LRRC40: variants seen among roughly 807,000 people sequenced by gnomAD.
LRRC40 encodes leucine-rich repeat-containing protein 40.
Under a neutral mutation model 72.8 loss-of-function variants are expected in LRRC40, and 76 were observed. That is an observed-to-expected ratio of 1.04 (90% CI 0.87 to 1.26). LRRC40 has a LOEUF of 1.26. Among genes scored for constraint, LRRC40 ranks in the 50% most tolerant of loss-of-function variants. The pLI, the probability that LRRC40 is intolerant of heterozygous loss-of-function variation, is 0.00. For synonymous variants in LRRC40, 243 were observed against 254.2 expected, an observed-to-expected ratio of 0.96 and a Z score of 0.42; for missense variants, 684 against 698.9, an observed-to-expected ratio of 0.98 and a Z score of 0.24.
intron 4 of LRRC40, among the ~76,000 whole-genome samples, chr1:70,183,954 C>G (rs184108247): frequency 6.6e-6 from 1 of 152,178 alleles, no homozygotes; most frequent in Admixed American, 6.5e-5. Context: ...TTTTATTATT[C>G]TTAATAATAC....
At chr1:70,149,616 A>T (rs1302905725) in intron 13 of LRRC40, among the ~76,000 whole-genome samples, 1 of 152,248 alleles carries the variant, frequency 6.6e-6, no homozygotes, top group Non-Finnish European at 1.5e-5. Context: ...ACAACACAAT[A>T]TAAAACTGAT....
intron 1 of LRRC40, among the ~76,000 whole-genome samples, chr1:70,194,049 T>C (rs1558128330): frequency 6.6e-6 from 1 of 152,042 alleles, no homozygotes; most frequent in Non-Finnish European, 1.5e-5. Context: ...CCATTCTCAC[T>C]ACTTTAATAT....
chr1:70,196,436 G>A (rs1472068904), intron 1 of LRRC40, among the ~76,000 whole-genome samples: 1 of 152,096 alleles, frequency 6.6e-6, no homozygotes, highest in African/African-American at 2.4e-5. Flanking sequence ...ATGAGTCCCA[G>A]ATACTTGGGA....
chr1:70,178,027 C>T (rs943472744), intron 6 of LRRC40, among the ~76,000 whole-genome samples: 1 of 152,170 alleles, frequency 6.6e-6, no homozygotes, highest in Non-Finnish European at 1.5e-5. Context: ...ATTGTAAGAA[C>T]ATAGTACATA....
At chr1:70,179,089 G>A (rs1571471661) in intron 5 of LRRC40, 96 bp from the exon 6 acceptor site, 2 of 609,296 alleles carry the variant, frequency 3.3e-6, no homozygotes, top group South Asian at 4.2e-5. Flanking sequence ...ATCGCTATGA[G>A]GACTTATGAA....
At chr1:70,161,166 G>C (rs1667751264) in intron 9 of LRRC40, among the ~76,000 whole-genome samples, 1 of 151,110 alleles carries the variant, frequency 6.6e-6, no homozygotes. Flanking sequence ...CGCACGGCAA[G>C]CTCCACCTCC....
intron 9 of LRRC40, among the ~76,000 whole-genome samples, chr1:70,161,978 G>A (rs918626794): frequency 1.3e-5 from 2 of 152,210 alleles, no homozygotes; most frequent in African/African-American, 4.8e-5. Context: ...GGAGCAGTAT[G>A]TGTTGAGGGT....
chr1:70,184,796 A>T lies in LRRC40; in HGVS notation c.526T>A (p.Leu176Ile). The T allele has an allele frequency of 1.2e-6, 2 of 1,601,830 alleles. No homozygotes were observed. The highest frequency in any genetic ancestry group is 1.7e-6 in the Non-Finnish European group (2 of 1,176,638). The change falls in exon 4 of 15, where the codon TTA becomes ATA. Residue 176 changes from leucine to isoleucine, a missense_variant. Physicochemically the swap from Leu to Ile is conservative, Grantham distance 5 (BLOSUM62 2). Transcript: ENST00000370952. ...AAATCAGAACTTACTAAATCTTCTAAATTGGAAAGTTGTTCAAATCCCTCT... is the reference window on the plus strand; with the variant it reads ...AAATCAGAACTTACTAAATCTTCTATATTGGAAAGTTGTTCAAATCCCTCT... ...ISEGFEQLSN[L>I]EDLDLSNNHL...
chr1:70,204,713 T>C (rs1210014965), intron 1 of LRRC40, among the ~76,000 whole-genome samples: 1 of 148,910 alleles, frequency 6.7e-6, no homozygotes. Flanking sequence ...CATCTCTCCA[T>C]TCCCCTCCCT....
At chr1:70,182,443 T>C (rs1668266937) in intron 4 of LRRC40, among the ~76,000 whole-genome samples, 1 of 152,044 alleles carries the variant, frequency 6.6e-6, no homozygotes, top group Non-Finnish European at 1.5e-5. Flanking sequence ...AAGTTGGATG[T>C]AGGGTATATG....
In LRRC40 at chr1:70,144,863, A is replaced by G. The variant is rs527271908; in HGVS notation, c.*937T>C. 1 of 152,082 alleles carries G rather than the reference A, an allele frequency of 6.6e-6. No homozygotes were observed. Among genetic ancestry groups the G allele is most frequent in the African/African-American group, 2.4e-5 (1 of 41,422 alleles). 9.4% of individuals were successfully genotyped at this position (152,082 alleles called of 1,614,324 possible). A position where few individuals can be genotyped will look rare whatever the true frequency, so the allele number is the denominator to read the frequency against. On this transcript the variant is annotated 3_prime_UTR_variant, in exon 15 of 15. Transcript: ENST00000370952. ...CATGTAGTATTTATCTTTATTAGCA[A>G]TTTTTTTCATAATATAAGCATGCCT... is the stretch of plus-strand genomic sequence containing the variant.
Position 70,175,871 on chromosome 1 carries a change from C to T in LRRC40, c.916G>A (p.Asp306Asn), listed in dbSNP as rs1162127230. The T allele has an allele frequency of 3.7e-6, 6 of 1,600,558 alleles. 1 individual carries two copies. Among genetic ancestry groups the T allele is most frequent in the Middle Eastern group, 1.7e-4 (1 of 6,054 alleles). ...AAGGACCGTAGTAGTATAATTTCAT[C>T]TGGAACAGATTTTAACTTGTTATCC... ...LRDNKLKSVP[D>N]EIILLRSLER... Residue 306 changes from aspartate (D) to asparagine (N), a missense_variant, in exon 7 of 15, where the codon GAT (aspartate) becomes AAT (asparagine). Physicochemically the swap from Asp to Asn is conservative, Grantham distance 23. Transcript: ENST00000370952.
intron 1 of LRRC40, among the ~76,000 whole-genome samples, chr1:70,202,717 T>C (rs1421437453): frequency 6.6e-6 from 1 of 152,192 alleles, no homozygotes; most frequent in African/African-American, 2.4e-5. Flanking sequence ...TATTGGTTCA[T>C]CAATTATAAT....
At chr1:70,205,145 G>T (rs577144954) in intron 1 of LRRC40, among the ~76,000 whole-genome samples, 2 of 152,332 alleles carry the variant, frequency 1.3e-5, no homozygotes, top group Admixed American at 6.5e-5. Flanking sequence ...CCCAGAAAGC[G>T]CCCCGTTTAA....
intron 4 of LRRC40, 147 bp from the exon 5 acceptor site, chr1:70,181,356 G>T: frequency 2.2e-6 from 1 of 445,380 alleles, no homozygotes. Context: ...CTCATTCACT[G>T]AAAATTTCAC....
intron 1 of LRRC40, among the ~76,000 whole-genome samples, chr1:70,191,670 T>C (rs1450900365): frequency 1.3e-5 from 2 of 152,174 alleles, no homozygotes; most frequent in Non-Finnish European, 2.9e-5. Flanking sequence ...CATGTCACTG[T>C]TGCAACTGTC....
intron 13 of LRRC40, 31 bp downstream of exon 13, chr1:70,151,097 G>A (rs766203921): frequency 7.9e-7 from 1 of 1,264,904 alleles, no homozygotes; most frequent in South Asian, 1.3e-5. Flanking sequence ...TATTTCCACA[G>A]AATAACAATT....
intron 11 of LRRC40, among the ~76,000 whole-genome samples, chr1:70,153,827 G>C (rs1667570410): frequency 6.6e-6 from 1 of 152,032 alleles, no homozygotes; most frequent in Non-Finnish European, 1.5e-5. Flanking sequence ...ACAAAAATTA[G>C]TGGGGTGTGG....
Position 70,191,565 on chromosome 1 carries a change from G to A in LRRC40, c.152-2292C>T, listed in dbSNP as rs140194310. On this transcript the variant is annotated intron_variant, in intron 1 of 14. Coordinates refer to ENST00000370952, the MANE Select transcript of LRRC40 (RefSeq NM_017768.5). ...ACTATTATTGAACATGTATCAATTT[G>A]CTTTTCCATAAACAATTACTTACTA... Among the ~76,000 whole-genome samples the A allele has an allele frequency of 3.3e-3, 502 of 152,090 alleles. 2 individuals are homozygous for A. The highest frequency in any genetic ancestry group is 5.6e-3 in the Non-Finnish European group (381 of 67,954).
Sources: gnomAD v4.1 joint callset for allele counts (sites outside exome capture counted in the v4.1 genomes callset) on GRCh38, gnomAD v4.1.1 for gene constraint, MANE v1.5 for transcripts, NCBI Gene and HGNC (gene_info 2026-07-23, HGNC 2026-07-21) for gene names.